Variants in DYNC1H1 observed in about 807,000 individuals in gnomAD.
DYNC1H1 encodes cytoplasmic dynein 1 heavy chain 1.
DYNC1H1 carries 51 observed loss-of-function variants against 527.1 expected under a neutral mutation model. The ratio of observed to expected loss-of-function variants is 0.10; its 90% CI spans 0.08 to 0.12. DYNC1H1 has a LOEUF of 0.12. Among genes scored for constraint, DYNC1H1 ranks in the 10% least tolerant of loss-of-function variants. The pLI is 1.00. For synonymous variants in DYNC1H1, 2,189 were observed against 2,278.8 expected (o/e 0.96, Z 1.12); for missense variants, 2,771 against 5,971.8 (o/e 0.46, Z 17.66).
chr14:102,021,155 A>T (rs2048379383), intron 42 of DYNC1H1, among the ~76,000 whole-genome samples: 1 of 152,118 alleles, frequency 6.6e-6, no homozygotes, highest in Non-Finnish European at 1.5e-5. Flanking sequence ...AGGCAGGAGG[A>T]TCATTGAGCC....
intron 43 of DYNC1H1, among the ~76,000 whole-genome samples, chr14:102,025,354 G>A (rs923656859): frequency 5.3e-5 from 8 of 151,658 alleles, no homozygotes; most frequent in African/African-American, 1.5e-4. Flanking sequence ...GCAGTGAGCC[G>A]AGATCGCGCC....
chr14:101,984,774 T>C (rs1027901368), intron 7 of DYNC1H1, among the ~76,000 whole-genome samples: 1 of 149,320 alleles, frequency 6.7e-6, no homozygotes, highest in African/African-American at 2.5e-5. Context: ...CTACTGAAAA[T>C]ACAAAAAAAT....
At chr14:102,050,017 G>T in intron 76 of DYNC1H1, 54 bp from the exon 77 acceptor site, 1 of 1,614,196 alleles carries the variant, frequency 6.2e-7, no homozygotes, top group Non-Finnish European at 8.5e-7. Flanking sequence ...TGTGACTGGG[G>T]TTTGTGTAGC....
intron 52 of DYNC1H1, 110 bp downstream of exon 52, chr14:102,032,577 C>G: frequency 7.4e-7 from 1 of 1,346,624 alleles, no homozygotes; most frequent in Non-Finnish European, 1.0e-6. Context: ...TCAGGCCAGG[C>G]ACAGTGGCTC....
At chr14:102,030,999 G>C (rs2048504035) in intron 51 of DYNC1H1, among the ~76,000 whole-genome samples, 1 of 152,104 alleles carries the variant, frequency 6.6e-6, no homozygotes, top group Non-Finnish European at 1.5e-5. Context: ...AAAAAAGAGT[G>C]CTTTCTTCTT....
rs759063892 is a variant in DYNC1H1, at chr14:102,009,797, T to C, written c.5978-46T>C. The C allele has an allele frequency of 5.6e-6, 9 of 1,613,540 alleles. No homozygotes were observed. The Admixed American group carries it at 1.2e-4, about 21-fold the overall frequency. On this transcript the variant is annotated intron_variant, in intron 29 of 77. Transcript: ENST00000360184. ...AGACATTTTAGAATGCATTTTGTTT[T>C]TTTTTTTTAACATTTCTAGTCTTAA... is the stretch of plus-strand genomic sequence containing the variant.
chr14:101,991,771 A>G, intron 11 of DYNC1H1, 98 bp downstream of exon 11: 1 of 1,546,286 alleles, frequency 6.5e-7, no homozygotes, highest in South Asian at 1.1e-5. Context: ...TAAGCTCTTG[A>G]TGTTGTTTAC....
rs1367369253 is a variant in DYNC1H1 at position 102,038,863 on chromosome 14, T to C, written c.11206+15T>C. 2.5e-6 allele frequency: 4 copies of C among 1,614,084 alleles called. No individual in the cohort carries two copies. The highest frequency in any genetic ancestry group is 2.7e-5 in the African/African-American group (2 of 74,946). On this transcript the variant is annotated intron_variant, in intron 59 of 77. Coordinates refer to ENST00000360184, the MANE Select transcript of DYNC1H1 (RefSeq NM_001376.5). The surrounding 1 kb of genome is among the most constrained non-coding windows in gnomAD (Gnocchi z 7.2). ...TAAACTTCAAGGTAGGATCTGGACC[T>C]GTGGCTTTTAGATGGTTGGTGCAGG... is the stretch of plus-strand genomic sequence containing the variant.
intron 43 of DYNC1H1, 88 bp from the exon 44 acceptor site, chr14:102,026,482 GTTTC>G: frequency 3.6e-6 from 5 of 1,400,182 alleles, no homozygotes; most frequent in Non-Finnish European, 5.0e-6. Flanking sequence ...ATTTTTAACA[GTTTC>G]TTCATGGTAT....
chr14:101,978,985 G>T (rs1391267703), intron 2 of DYNC1H1, among the ~76,000 whole-genome samples: 1 of 152,174 alleles, frequency 6.6e-6, no homozygotes, highest in Admixed American at 6.5e-5. Context: ...TAACCAGTGA[G>T]CAACTTTTGT....
At chr14:101,968,013 T>TA (rs1422071358) in intron 1 of DYNC1H1, among the ~76,000 whole-genome samples, 2 of 152,246 alleles carry the variant, frequency 1.3e-5, no homozygotes, top group African/African-American at 2.4e-5. Flanking sequence ...ATAGTATGCT[T>TA]ACAGCATGGT....
At chr14:101,984,106 T>A (rs1245750769) in intron 7 of DYNC1H1, among the ~76,000 whole-genome samples, 1 of 152,080 alleles carries the variant, frequency 6.6e-6, no homozygotes, top group African/African-American at 2.4e-5. Flanking sequence ...TAGCTGGGAC[T>A]ATAGGCGCAC....
Position 102,049,915 on chromosome 14 carries a change from T to C in DYNC1H1, c.13684+33T>C, listed in dbSNP as rs1211873940. ...GAGTCTCACAGAAAATACTGGCTCT[T>C]TGCAGGTGACCTCGGTGGCCTGAGA... On this transcript the variant is annotated intron_variant, in intron 76 of 77. Coordinates refer to ENST00000360184, the MANE Select transcript of DYNC1H1 (RefSeq NM_001376.5). This position sits in a 1 kb window ranked among gnomAD's most constrained non-coding sequence, Gnocchi z 5.5. The C allele has an allele frequency of 6.4e-7, 1 of 1,562,138 alleles. No homozygotes were observed. Among genetic ancestry groups the C allele is most frequent in the South Asian group, 1.1e-5 (1 of 89,246 alleles).
At chr14:102,028,918 C>T (rs2048480042) in intron 48 of DYNC1H1, 1 of 164,114 alleles carries the variant, frequency 6.1e-6, no homozygotes, top group Non-Finnish European at 1.3e-5. Flanking sequence ...CCAGTAAAAC[C>T]TCATTACTGA....
Position 102,028,582 on chromosome 14 carries a change from C to T in DYNC1H1, c.9468+441C>T, listed in dbSNP as rs182886100. 78 of 250,272 alleles carry T rather than the reference C, an allele frequency of 3.1e-4. 1 individual carries two copies. Among genetic ancestry groups the T allele is most frequent in the African/African-American group, 1.7e-3 (74 of 44,764 alleles). 15.5% of individuals were successfully genotyped at this position (250,272 alleles called of 1,614,324 possible). On this transcript the variant is annotated intron_variant, in intron 48 of 77. Transcript: ENST00000360184. Reference sequence around the variant, plus strand: ...TGTACTGTTATTTGTAAAGGAAATACTTGTTTCTTACCTCTTACCTCTTTA... The same window carrying T: ...TGTACTGTTATTTGTAAAGGAAATATTTGTTTCTTACCTCTTACCTCTTTA...
In DYNC1H1 at chr14:102,004,905, T is replaced by C. The variant is rs753794540; in HGVS notation, c.5193T>C (p.Thr1731=). Residue 1731 remains threonine (T), a synonymous_variant, in exon 25 of 78, where the codon ACT becomes ACC. Coordinates refer to ENST00000360184, the MANE Select transcript of DYNC1H1 (RefSeq NM_001376.5). The part of the protein sequence containing the change: ...VTEVEIFGKA[T]SIDPNTYITW... ...AAGTTGAGATTTTTGGTAAAGCAAC[T>C]TCAATTGACCCAAATACCTACATCA... 1 of 1,614,190 alleles carries C rather than the reference T, an allele frequency of 6.2e-7. No individual in the cohort carries two copies. The highest frequency in any genetic ancestry group is 8.5e-7 in the Non-Finnish European group (1 of 1,180,042).
At position 101,988,757 on chromosome 14, in the gene DYNC1H1, G is replaced by A. The variant is rs753727576; in HGVS notation, c.2773G>A (p.Val925Ile). The A allele has an allele frequency of 1.2e-6, 2 of 1,614,220 alleles. No individual in the cohort carries two copies. Residue 925 changes from valine (V) to isoleucine (I), a missense_variant, in exon 10 of 78, where the codon GTT (valine) becomes ATT (isoleucine). This residue lies in a region of DYNC1H1 where 179 missense variants were observed against 349.4 expected (regional missense o/e 0.51). Transcript: ENST00000360184. The stretch of plus-strand genomic sequence containing the variant: ...AGCTGGCCTGAGAGCTTGGACGCAG[G>A]TTCTTCTTGGACAAGCTGAAGATAA... ...LQAGLRAWTQ[V>I]LLGQAEDKAE... is the part of the protein sequence containing the mutation.
chr14:102,004,003 T>G (rs12883813), intron 23 of DYNC1H1, among the ~76,000 whole-genome samples: 3 of 151,240 alleles, frequency 2.0e-5, no homozygotes, highest in Non-Finnish European at 4.4e-5. Flanking sequence ...GCACTTTGGG[T>G]GGCCGAGGCG....
intron 73 of DYNC1H1, 101 bp from the exon 74 acceptor site, chr14:102,048,415 G>A (rs949143684): frequency 6.7e-7 from 1 of 1,497,762 alleles, no homozygotes; most frequent in African/African-American, 1.4e-5. Context: ...CAGTTCGGAA[G>A]CTCTGGGGCT....
Sources: gnomAD v4.1 joint callset for allele counts (sites outside exome capture counted in the v4.1 genomes callset) on GRCh38, gnomAD v4.1.1 for gene constraint, gnomAD v4.1.1 regional missense constraint, Gnocchi (gnomAD v3.1) non-coding constraint, MANE v1.5 for transcripts, NCBI Gene and HGNC (gene_info 2026-07-23, HGNC 2026-07-21) for gene names.